The following PCDH15 variants were observed in gnomAD, a reference collection of about 807,000 sequenced individuals.
PCDH15 encodes protocadherin related 15, also known as protocadherin-15.
A neutral mutation model predicts 178.5 loss-of-function variants in PCDH15; 129 were observed. The observed-to-expected ratio is 0.72, with a 90% confidence interval of 0.63 to 0.84. PCDH15 has a LOEUF of 0.84. Among genes scored for constraint, PCDH15 ranks in the 40% least tolerant of loss-of-function variants. The pLI is 0.00. For synonymous variants in PCDH15, 800 were observed against 732.0 expected (o/e 1.09, Z -1.50); for missense variants, 2,230 against 2,099.9 (o/e 1.06, Z -1.21).
At chr10:54,883,362 T>G (rs1954297937) in intron 3 of PCDH15, among the ~76,000 whole-genome samples, 1 of 152,002 alleles carries the variant, frequency 6.6e-6, no homozygotes, top group Admixed American at 6.6e-5. Context: ...GAAAAGGAAT[T>G]TTATAATACA....
At chr10:54,071,164 T>C (rs560791862) in intron 17 of PCDH15, among the ~76,000 whole-genome samples, 1 of 152,322 alleles carries the variant, frequency 6.6e-6, no homozygotes, top group South Asian at 2.1e-4. Context: ...AATTTGACCT[T>C]GTAAATGCGC....
intron 18 of PCDH15, among the ~76,000 whole-genome samples, chr10:54,057,643 TGA>T (rs2093924635): frequency 6.6e-6 from 1 of 152,120 alleles, no homozygotes; most frequent in Non-Finnish European, 1.5e-5. Context: ...TGAATGTCTC[TGA>T]GATACCCTGG....
chr10:54,611,265 T>C (rs939230492), intron 2 of PCDH15, among the ~76,000 whole-genome samples: 2 of 151,806 alleles, frequency 1.3e-5, no homozygotes, highest in African/African-American at 4.8e-5. Flanking sequence ...TATGTATCAG[T>C]AATATTGATG....
intron 2 of PCDH15, among the ~76,000 whole-genome samples, chr10:54,551,691 A>G (rs7074337): frequency 0.095 from 14,523 of 152,146 alleles, 847 homozygotes; most frequent in Non-Finnish European, 0.12. Flanking sequence ...CATATTTTCC[A>G]TACTGTTTTT....
rs150362641 is a variant in PCDH15 at position 55,229,182 on chromosome 10, A to G, written c.-155-62531T>C. ...CGTATTTAAAAACACATACTTTTATAGTATGGGATAAGCACATGGCTCTTC... is the reference window on the plus strand; with the variant it reads ...CGTATTTAAAAACACATACTTTTATGGTATGGGATAAGCACATGGCTCTTC... On this transcript the variant is annotated intron_variant, in intron 1 of 5. Coordinates refer to the PCDH15 transcript ENST00000458638. Among the ~76,000 whole-genome samples, 301 of 152,052 alleles carry G rather than the reference A, an allele frequency of 2.0e-3. 2 individuals are homozygous for G. Among genetic ancestry groups the G allele is most frequent in the African/African-American group, 6.9e-3 (288 of 41,480 alleles).
In PCDH15 at chr10:54,100,149, C is replaced by T. The variant is rs146185855; in HGVS notation, c.1918-10086G>A. On this transcript the variant is annotated intron_variant, in intron 15 of 37. Coordinates refer to ENST00000644397, the MANE Select transcript of PCDH15 (RefSeq NM_001384140.1). Reference sequence around the variant, plus strand: ...TTGGGAGCCCAAGGCGGGCAGATCACGATGTCAGGAGTTTGAGACCAGCCT... The same window carrying T: ...TTGGGAGCCCAAGGCGGGCAGATCATGATGTCAGGAGTTTGAGACCAGCCT... Among the ~76,000 whole-genome samples, 176 of 152,052 alleles carry T rather than the reference C, an allele frequency of 1.2e-3. 1 individual carries two copies. In the East Asian group the frequency reaches 0.026, roughly 23 times the overall value.
chr10:54,726,475 C>A (rs934723975), intron 1 of PCDH15, among the ~76,000 whole-genome samples: 4 of 147,190 alleles, frequency 2.7e-5, no homozygotes, highest in African/African-American at 1.0e-4. Flanking sequence ...TTTGAATTGA[C>A]AGTGAATAGC....
chr10:54,167,097 T>A (rs2046311599), intron 13 of PCDH15, among the ~76,000 whole-genome samples: 1 of 152,220 alleles, frequency 6.6e-6, no homozygotes, highest in Non-Finnish European at 1.5e-5. Flanking sequence ...CAAAGCCTGT[T>A]TGATGGTCTC....
At chr10:55,198,043 G>C (rs61851066) in intron 1 of PCDH15, among the ~76,000 whole-genome samples, 15,208 of 152,158 alleles carry the variant, frequency 0.1, 812 homozygotes, top group East Asian at 0.12. Flanking sequence ...GTAGAAAAAG[G>C]ATGGATAGAT....
chr10:54,240,626 C>CTTTTTTTTTTTTTTT (rs1228784141), intron 8 of PCDH15, among the ~76,000 whole-genome samples: 2 of 79,686 alleles, frequency 2.5e-5, no homozygotes, highest in Admixed American at 2.0e-4. Context: ...TTTTCTTTTG[C>CTTTTTTTTTTTTTTT]TTTTTTTTTT....
chr10:53,958,478 C>G (rs950265818), intron 23 of PCDH15, among the ~76,000 whole-genome samples: 6 of 152,114 alleles, frequency 3.9e-5, no homozygotes, highest in Non-Finnish European at 7.4e-5. Context: ...GATCTTATTT[C>G]TACCATTGTG....
chr10:54,595,175 C>A lies in PCDH15; in HGVS notation c.92-67298G>T, dbSNP rs779541214. On this transcript the variant is annotated intron_variant, in intron 2 of 37. Coordinates refer to ENST00000644397, the MANE Select transcript of PCDH15 (RefSeq NM_001384140.1). ...GACACATCCCACTACGACTGTCCTACAAAATGCTTTGGCTGGGAGTAGCCA... is the reference window on the plus strand; with the variant it reads ...GACACATCCCACTACGACTGTCCTAAAAAATGCTTTGGCTGGGAGTAGCCA... 4.1e-4 allele frequency among the ~76,000 whole-genome samples: 62 copies of A among 152,202 alleles called. 2 individuals carry two copies. Among genetic ancestry groups the A allele is most frequent in the Non-Finnish European group, 1.2e-4 (8 of 68,038 alleles).
At chr10:54,924,679 C>T (rs1837574281) in intron 2 of PCDH15, among the ~76,000 whole-genome samples, 1 of 152,052 alleles carries the variant, frequency 6.6e-6, no homozygotes, top group Non-Finnish European at 1.5e-5. Flanking sequence ...TTTTGATTTG[C>T]ATTTTCCTAG....
intron 26 of PCDH15, among the ~76,000 whole-genome samples, chr10:53,895,852 G>C (rs2081912789): frequency 6.6e-6 from 1 of 152,100 alleles, no homozygotes; most frequent in Admixed American, 6.5e-5. Context: ...AAGTTAGTAT[G>C]TTCTCTTATT....
intron 9 of PCDH15, among the ~76,000 whole-genome samples, chr10:54,223,621 C>A (rs898376717): frequency 1.3e-5 from 2 of 150,704 alleles, no homozygotes; most frequent in African/African-American, 4.9e-5. Context: ...CATTTATTAG[C>A]ATAATACTTC....
chr10:55,335,537 C>G (rs920405344), intron 2 of PCDH15, among the ~76,000 whole-genome samples: 1 of 152,066 alleles, frequency 6.6e-6, no homozygotes, highest in Admixed American at 6.5e-5. Flanking sequence ...GTCAGCATGA[C>G]GTAGGGATAA....
At chr10:54,764,735 A>C (rs560376605) in intron 1 of PCDH15, among the ~76,000 whole-genome samples, 1 of 152,220 alleles carries the variant, frequency 6.6e-6, no homozygotes, top group South Asian at 2.1e-4. Flanking sequence ...CCAGATGAAG[A>C]TGCCTTCTGA....
intron 2 of PCDH15, among the ~76,000 whole-genome samples, chr10:54,981,628 G>A (rs138138726): frequency 7.6e-4 from 116 of 152,124 alleles, no homozygotes; most frequent in African/African-American, 2.6e-3. Flanking sequence ...TTGAAAACTT[G>A]GCCTAATCGT....
chr10:54,348,482 T>C (rs1426632197), intron 5 of PCDH15, among the ~76,000 whole-genome samples: 1 of 152,222 alleles, frequency 6.6e-6, no homozygotes, highest in Non-Finnish European at 1.5e-5. Flanking sequence ...TCTTTTTTAA[T>C]GGAATTCCTG....
Sources: allele counts gnomAD v4.1 joint callset (sites outside exome capture counted in the v4.1 genomes callset), GRCh38; gene constraint gnomAD v4.1.1; transcripts MANE v1.5; gene names NCBI Gene and HGNC (gene_info 2026-07-23, HGNC 2026-07-21).